The following DAZAP1 variants were observed in gnomAD, a reference collection of about 807,000 sequenced individuals.
DAZAP1 encodes DAZ-associated protein 1.
DAZAP1 carries 6 observed loss-of-function variants against 60.1 expected under a neutral mutation model. That is an observed-to-expected ratio of 0.10 (90% CI 0.05 to 0.20). The LOEUF (loss-of-function observed/expected upper bound fraction) is 0.20. Among genes scored for constraint, DAZAP1 ranks in the 10% least tolerant of loss-of-function variants. DAZAP1 has a pLI of 1.00. For missense variants in DAZAP1, 366 were observed against 560.4 expected, an observed-to-expected ratio of 0.65 and a Z score of 3.50; for synonymous variants, 235 against 215.9, an observed-to-expected ratio of 1.09 and a Z score of -0.78.
intron 4 of DAZAP1, among the ~76,000 whole-genome samples, chr19:1,420,426 TTA>T (rs892326106): frequency 6.6e-6 from 1 of 151,322 alleles, no homozygotes; most frequent in African/African-American, 2.4e-5. Flanking sequence ...CCTCAAAGGT[TTA>T]TAGTCTTTTA....
At chr19:1,419,112 A>G (rs1232713479) in intron 4 of DAZAP1, among the ~76,000 whole-genome samples, 1 of 152,118 alleles carries the variant, frequency 6.6e-6, no homozygotes, top group Non-Finnish European at 1.5e-5. Context: ...CGTGCTGGCC[A>G]CTTTACTGCT....
intron 6 of DAZAP1, among the ~76,000 whole-genome samples, chr19:1,424,573 G>T (rs182395629): frequency 6.6e-6 from 1 of 151,814 alleles, no homozygotes; most frequent in Non-Finnish European, 1.5e-5. Context: ...CCTGGCCCCT[G>T]TCTCTTCAGC....
In DAZAP1 at chr19:1,422,616, T is replaced by C. The variant is rs2083190674; in HGVS notation, c.463+220T>C. 6.6e-6 allele frequency among the ~76,000 whole-genome samples: 1 copy of C among 152,206 alleles called. No homozygotes were observed. Among genetic ancestry groups the C allele is most frequent in the Non-Finnish European group, 1.5e-5 (1 of 68,040 alleles). On this transcript the variant is annotated intron_variant, in intron 6 of 11. Coordinates refer to ENST00000233078, the MANE Select transcript of DAZAP1 (RefSeq NM_018959.4). The surrounding 1 kb of genome is among the most constrained non-coding windows in gnomAD (Gnocchi z 4.5). ...ACGTCACACATTGTTTTTTGGCTTG[T>C]TCTTTTGAAGTTTTTACGACTTGTC...
In DAZAP1 at chr19:1,418,623, A is replaced by C. The variant is rs777107298; in HGVS notation, c.238-43A>C. Reference sequence around the variant, plus strand: ...TGCTGACACCCTCTTTCCTAGAGAAACAGCCTCTTATTCACAACCAGCTGA... The same window carrying C: ...TGCTGACACCCTCTTTCCTAGAGAACCAGCCTCTTATTCACAACCAGCTGA... On this transcript the variant is annotated intron_variant, in intron 3 of 11. Transcript: ENST00000233078. The surrounding 1 kb of genome is among the most constrained non-coding windows in gnomAD (Gnocchi z 5.7). The C allele has an allele frequency of 1.9e-6, 3 of 1,612,306 alleles. No homozygotes were observed. The highest frequency in any genetic ancestry group is 2.5e-6 in the Non-Finnish European group (3 of 1,178,620).
Position 1,425,203 on chromosome 19 carries a change from G to T in DAZAP1, c.464-675G>T, listed in dbSNP as rs1287939879. On this transcript the variant is annotated intron_variant, in intron 6 of 11. Transcript: ENST00000233078. The surrounding 1 kb of genome is among the most constrained non-coding windows in gnomAD (Gnocchi z 5.4). The stretch of plus-strand genomic sequence containing the variant: ...ATGTCTACGATATGACCTCTTCTAG[G>T]ACTCCTTGGGCTTACCCAACGGTGT... 1.3e-5 allele frequency among the ~76,000 whole-genome samples: 2 copies of T among 152,132 alleles called. No homozygotes were observed. Among genetic ancestry groups the T allele is most frequent in the East Asian group, 3.9e-4 (2 of 5,186 alleles).
Position 1,430,254 on chromosome 19 carries a change from G to GGCCCCCCCCC in DAZAP1, c.763_764insGCCCCCCCCC (p.Ala255GlyfsTer175). On this transcript the variant is annotated frameshift_variant, in exon 10 of 12. Transcript: ENST00000233078. LOFTEE classifies it high-confidence loss of function. ...TGGACCGCCCCCTGCAGGAAGAGGA[G>GGCCCCCCCCC]CCCCCCCGCCACCCCCACCGTTCAC... 9.3e-6 allele frequency: 12 copies of GGCCCCCCCCC among 1,295,240 alleles called. No individual in the cohort carries two copies. Among genetic ancestry groups the GGCCCCCCCCC allele is most frequent in the Non-Finnish European group, 1.1e-5 (10 of 924,052 alleles). The allele number at this position is 1,295,240 out of a possible 1,614,324, so 80.2% of individuals were successfully genotyped here.
chr19:1,427,518 TAGTTA>T (rs1335932111), intron 7 of DAZAP1: 5 of 152,230 alleles, frequency 3.3e-5, no homozygotes, highest in African/African-American at 1.2e-4. Context: ...TACCGCGTGG[TAGTTA>T]ACCCTCCATG....
rs375081869 is a variant in DAZAP1 at position 1,429,131 on chromosome 19, G to A, written c.700+136G>A. The stretch of plus-strand genomic sequence containing the variant: ...GAGCCGCGGTTCACAGTGTCCTTGA[G>A]CCCCCGCGAGGTGCCGGCTGACAGC... On this transcript the variant is annotated intron_variant, in intron 8 of 11. Transcript: ENST00000233078. 15 of 1,193,404 alleles carry A rather than the reference G, an allele frequency of 1.3e-5. No individual in the cohort carries two copies. The African/African-American group carries it at 1.9e-4, about 15-fold the overall frequency. The allele number at this position is 1,193,404 out of a possible 1,614,324, so 73.9% of individuals were successfully genotyped here.
chr19:1,409,918 A>G (rs990136903), intron 1 of DAZAP1: 5 of 152,412 alleles, frequency 3.3e-5, no homozygotes, highest in South Asian at 2.1e-4. Flanking sequence ...GCTCACTGCC[A>G]TGGAGGAGGC....
rs554880356 is a variant in DAZAP1 at position 1,429,558 on chromosome 19, A to G, written c.701-409A>G. ...AGATGTACGTCGTCCGGGTCCCGAG[A>G]CTGTGGCTTCCCTGCACCTCGTCTA... On this transcript the variant is annotated intron_variant, in intron 8 of 11. Transcript: ENST00000233078. Among the ~76,000 whole-genome samples the G allele has an allele frequency of 9.9e-5, 15 of 152,192 alleles. No homozygotes were observed. The South Asian group carries it at 3.1e-3, about 32-fold the overall frequency.
In DAZAP1 at chr19:1,428,256, T is replaced by C. The variant is rs1035352522; in HGVS notation, c.547-586T>C. The C allele has an allele frequency of 4.6e-5, 7 of 152,446 alleles. No homozygotes were observed. In the East Asian group the frequency reaches 5.8e-4, roughly 13 times the overall value. 9.4% of individuals were successfully genotyped at this position (152,446 alleles called of 1,614,324 possible). On this transcript the variant is annotated intron_variant, in intron 7 of 11. Transcript: ENST00000233078. This position sits in a 1 kb window ranked among gnomAD's most constrained non-coding sequence, Gnocchi z 4.0. Reference sequence around the variant, plus strand: ...TTAGATGTAATGTAAGATTCTCTTATCACATCCATTCCCTCTGACATTAGT... The same window carrying C: ...TTAGATGTAATGTAAGATTCTCTTACCACATCCATTCCCTCTGACATTAGT...
Position 1,423,973 on chromosome 19 carries a change from G to A in DAZAP1, c.463+1577G>A, listed in dbSNP as rs915303879. Among the ~76,000 whole-genome samples, 4 of 152,222 alleles carry A rather than the reference G, an allele frequency of 2.6e-5. No homozygotes were observed. The highest frequency in any genetic ancestry group is 7.2e-5 in the African/African-American group (3 of 41,462). ...AGTGTCCCTTGGGTGTCAGGCGAGT[G>A]GAGGGCCGGAGAGACGCTGCGGCGC... is the stretch of plus-strand genomic sequence containing the variant. On this transcript the variant is annotated intron_variant, in intron 6 of 11. Transcript: ENST00000233078. This position sits in a 1 kb window ranked among gnomAD's most constrained non-coding sequence, Gnocchi z 6.8.
At chr19:1,413,989 C>CTGTG (rs3065755) in intron 1 of DAZAP1, among the ~76,000 whole-genome samples, 18,353 of 129,922 alleles carry the variant, frequency 0.14, 1,397 homozygotes, top group South Asian at 0.26. Context: ...CCCCAGTGAA[C>CTGTG]TGTGTGTGTG....
chr19:1,428,926 G>T lies in DAZAP1; in HGVS notation c.631G>T (p.Val211Leu). 6.2e-7 allele frequency: 1 copy of T among 1,612,702 alleles called. No individual in the cohort carries two copies. The highest frequency in any genetic ancestry group is 1.7e-4 in the Middle Eastern group (1 of 6,058). The change falls in exon 8 of 12, where the codon GTG becomes TTG. Residue 211 changes from valine to leucine, a missense_variant. Physicochemically the swap from Val to Leu is conservative, Grantham distance 32 (BLOSUM62 1). Around this residue, in one of 3 missense-constraint regions of DAZAP1, gnomAD observed 240 missense variants for 308.8 expected, o/e 0.78. Transcript: ENST00000233078. This position sits in a 1 kb window ranked among gnomAD's most constrained non-coding sequence, Gnocchi z 4.0. ...TGCCAGCCAGTGGGGGAGCCGGGTT[G>T]TGCCCAACGCTGCCAATGGCTGGGC... ...PGASQWGSRV[V>L]PNAANGWAGQ...
At chr19:1,430,130 C>T (rs929439815) in intron 9 of DAZAP1, 92 bp from the exon 10 acceptor site, 2 of 1,522,460 alleles carry the variant, frequency 1.3e-6, no homozygotes, top group Non-Finnish European at 1.8e-6. Flanking sequence ...GGTGAGGGGC[C>T]TGCTAGGGCC....
At position 1,418,150 on chromosome 19, in the gene DAZAP1, G is replaced by A. The variant is rs539893483; in HGVS notation, c.71-54G>A. On this transcript the variant is annotated intron_variant, in intron 2 of 11. Transcript: ENST00000233078. This position sits in a 1 kb window ranked among gnomAD's most constrained non-coding sequence, Gnocchi z 5.7. The stretch of plus-strand genomic sequence containing the variant: ...GCGTGCCGGCAGCACTGCCAGGCAC[G>A]TGCCTAATGCTCTGGCCCTGTGTGT... 8.8e-6 allele frequency: 14 copies of A among 1,593,720 alleles called. No homozygotes were observed. Among genetic ancestry groups the A allele is most frequent in the East Asian group, 6.7e-5 (3 of 44,604 alleles).
chr19:1,419,044 C>G (rs976464088), intron 4 of DAZAP1, among the ~76,000 whole-genome samples: 10 of 152,154 alleles, frequency 6.6e-5, no homozygotes, highest in Non-Finnish European at 1.2e-4. Context: ...CACTGCCTGG[C>G]CCTCCTCAGA....
Position 1,430,254 on chromosome 19 carries a change from GC to G in DAZAP1, c.770del (p.Pro257ArgfsTer78), listed in dbSNP as rs2083411087. The G allele has an allele frequency of 1.7e-5, 22 of 1,295,108 alleles. No homozygotes were observed. The highest frequency in any genetic ancestry group is 2.1e-5 in the Non-Finnish European group (19 of 923,940). 80.2% of individuals were successfully genotyped at this position (1,295,108 alleles called of 1,614,324 possible). On this transcript the variant is annotated frameshift_variant, in exon 10 of 12. Coordinates refer to ENST00000233078, the MANE Select transcript of DAZAP1 (RefSeq NM_018959.4). LOFTEE classifies it high-confidence loss of function. ...GYGPPPAGRG[A>X]PPPPPPFTSY... ...TGGACCGCCCCCTGCAGGAAGAGGA[GC>G]CCCCCCGCCACCCCCACCGTTCACC... is the stretch of plus-strand genomic sequence containing the variant.
intron 1 of DAZAP1, among the ~76,000 whole-genome samples, chr19:1,410,891 C>T (rs774819200): frequency 1.9e-4 from 29 of 152,198 alleles, no homozygotes; most frequent in South Asian, 8.3e-4. Flanking sequence ...AAGGACTCAG[C>T]GGAGAGAGGA....
Sources: gnomAD v4.1 joint callset for allele counts (sites outside exome capture counted in the v4.1 genomes callset) on GRCh38, gnomAD v4.1.1 for gene constraint, gnomAD v4.1.1 regional missense constraint, Gnocchi (gnomAD v3.1) non-coding constraint, MANE v1.5 for transcripts, NCBI Gene and HGNC (gene_info 2026-07-23, HGNC 2026-07-21) for gene names.